The following SCARB1 variants were observed in gnomAD, a reference collection of about 807,000 sequenced individuals.
The protein encoded by SCARB1 is CD36 and LIMPII analogous 1.
A neutral mutation model predicts 57.2 loss-of-function variants in SCARB1; 30 were observed. The ratio of observed to expected loss-of-function variants is 0.52; its 90% CI spans 0.39 to 0.71. The LOEUF is 0.71. SCARB1 is among the 30% of genes least tolerant of loss of function. SCARB1 has a pLI of 0.00. For missense variants in SCARB1, 543 were observed against 671.2 expected, an observed-to-expected ratio of 0.81 and a Z score of 2.11; for synonymous variants, 249 against 268.3, an observed-to-expected ratio of 0.93 and a Z score of 0.70.
At chr12:124,839,499 C>T (rs891493498) in intron 1 of SCARB1, among the ~76,000 whole-genome samples, 7 of 152,196 alleles carry the variant, frequency 4.6e-5, no homozygotes, top group Non-Finnish European at 8.8e-5. Flanking sequence ...TCGTGAACAG[C>T]GCTGCAATGA....
chr12:124,860,871 G>A (rs1379462868), intron 1 of SCARB1, among the ~76,000 whole-genome samples: 1 of 152,118 alleles, frequency 6.6e-6, no homozygotes, highest in East Asian at 1.9e-4. Flanking sequence ...TTTTTCAGCT[G>A]GTATCTTTGA....
Position 124,777,369 on chromosome 12 carries a change from A to G in SCARB1, c.*1218T>C, listed in dbSNP as rs1872590187. ...ATGCAAAAGTGGCAAAAGCGTCTGCACTGGGGGCTGTGGGATGGGACTCAG... is the reference window on the plus strand; with the variant it reads ...ATGCAAAAGTGGCAAAAGCGTCTGCGCTGGGGGCTGTGGGATGGGACTCAG... On this transcript the variant is annotated 3_prime_UTR_variant, in exon 13 of 13. Transcript: ENST00000261693. 1 of 152,242 alleles carries G rather than the reference A, an allele frequency of 6.6e-6. No homozygotes were observed. Among genetic ancestry groups the G allele is most frequent in the Non-Finnish European group, 1.5e-5 (1 of 68,044 alleles). 9.4% of individuals were successfully genotyped at this position (152,242 alleles called of 1,614,324 possible). A position where few individuals can be genotyped will look rare whatever the true frequency, so the allele number is the denominator to read the frequency against.
rs552700907 is a variant in SCARB1, at chr12:124,840,172, G to A, written c.127-22465C>T. On this transcript the variant is annotated intron_variant, in intron 1 of 12. Coordinates refer to ENST00000261693, the MANE Select transcript of SCARB1 (RefSeq NM_005505.5). The stretch of plus-strand genomic sequence containing the variant: ...TCGCTGAGCACACTTCCATGTCCCC[G>A]TTGGCTATCTGCATTTTTTTTTTTT... Among the ~76,000 whole-genome samples the A allele has an allele frequency of 4.0e-5, 6 of 151,426 alleles. No individual in the cohort carries two copies. The South Asian group carries it at 1.2e-3, about 32-fold the overall frequency.
Position 124,810,940 on chromosome 12 carries a change from G to A in SCARB1, c.727-651C>T, listed in dbSNP as rs1192118932. On this transcript the variant is annotated intron_variant, in intron 5 of 12. Coordinates refer to ENST00000261693, the MANE Select transcript of SCARB1 (RefSeq NM_005505.5). This position sits in a 1 kb window ranked among gnomAD's most constrained non-coding sequence, Gnocchi z 4.0. The stretch of plus-strand genomic sequence containing the variant: ...CCACTCTGGGCACCGGTTGGGGTAC[G>A]ATTTGTCCCTAGCCCTCAGGGTCTT... Among the ~76,000 whole-genome samples, 2 of 152,340 alleles carry A rather than the reference G, an allele frequency of 1.3e-5. No homozygotes were observed. Among genetic ancestry groups the A allele is most frequent in the South Asian group, 2.1e-4 (1 of 4,832 alleles).
intron 1 of SCARB1, among the ~76,000 whole-genome samples, chr12:124,837,512 A>G (rs1951708198): frequency 9.5e-6 from 1 of 105,508 alleles, no homozygotes; most frequent in Non-Finnish European, 1.8e-5. Flanking sequence ...AGGGAGAAAA[A>G]AGAAAAGAAA....
Position 124,795,183 on chromosome 12 carries a change from G to A in SCARB1, c.1202+12C>T. 1 of 1,609,832 alleles carries A rather than the reference G, an allele frequency of 6.2e-7. No individual in the cohort carries two copies. On this transcript the variant is annotated intron_variant, in intron 9 of 12. Coordinates refer to ENST00000261693, the MANE Select transcript of SCARB1 (RefSeq NM_005505.5). ...ATGAGCAATGCAGCCCCAGCTCCCA[G>A]TCCCCACTCACCCAATGCCTGCGAC...
intron 10 of SCARB1, 111 bp downstream of exon 10, chr12:124,787,295 C>T: frequency 2.1e-6 from 2 of 962,364 alleles, no homozygotes; most frequent in South Asian, 1.4e-5. Context: ...AGTCCGGTTA[C>T]CCTGGCTCAG....
At chr12:124,791,445 A>G (rs1415632226) in intron 9 of SCARB1, among the ~76,000 whole-genome samples, 2 of 152,178 alleles carry the variant, frequency 1.3e-5, no homozygotes, top group African/African-American at 4.8e-5. Flanking sequence ...CTAGGACTCT[A>G]GGGAGGATTC....
At position 124,814,225 on chromosome 12, in the gene SCARB1, C is replaced by T. The variant is rs775206098; in HGVS notation, c.607G>A (p.Asp203Asn). ...KYFPGMFPFK[D>N]KFGLFAELNN... ...ACCTCAGCAAATAATCCGAACTTGTCCTTGAAGGGGAACATGCCTGGAAAG... is the reference window on the plus strand; with the variant it reads ...ACCTCAGCAAATAATCCGAACTTGTTCTTGAAGGGGAACATGCCTGGAAAG... The change falls in exon 4 of 13, where the codon GAC becomes AAC. Residue 203 changes from aspartate to asparagine, a missense_variant. Transcript: ENST00000261693. This position sits in a 1 kb window ranked among gnomAD's most constrained non-coding sequence, Gnocchi z 4.7. 6.2e-7 allele frequency: 1 copy of T among 1,614,208 alleles called. No homozygotes were observed. The highest frequency in any genetic ancestry group is 1.7e-5 in the Admixed American group (1 of 60,028).
In SCARB1 at chr12:124,789,748, C is replaced by T. The variant is rs1457819818; in HGVS notation, c.1203-2291G>A. On this transcript the variant is annotated intron_variant, in intron 9 of 12. Coordinates refer to ENST00000261693, the MANE Select transcript of SCARB1 (RefSeq NM_005505.5). This position sits in a 1 kb window ranked among gnomAD's most constrained non-coding sequence, Gnocchi z 4.4. ...AAAGAGGGGCTGGGGCGTGGTGGCTCACGCCTGTAATCCCAGCACTTTGGG... is the reference window on the plus strand; with the variant it reads ...AAAGAGGGGCTGGGGCGTGGTGGCTTACGCCTGTAATCCCAGCACTTTGGG... 6.6e-6 allele frequency among the ~76,000 whole-genome samples: 1 copy of T among 152,224 alleles called. No homozygotes were observed. Among genetic ancestry groups the T allele is most frequent in the Non-Finnish European group, 1.5e-5 (1 of 68,044 alleles).
At chr12:124,825,889 CG>C (rs1566208145) in intron 1 of SCARB1, among the ~76,000 whole-genome samples, 3 of 152,026 alleles carry the variant, frequency 2.0e-5, no homozygotes. Context: ...ATGGTGCTTA[CG>C]GGGCGGAGGC....
At chr12:124,824,618 C>T (rs1200312897) in intron 1 of SCARB1, among the ~76,000 whole-genome samples, 1 of 152,238 alleles carries the variant, frequency 6.6e-6, no homozygotes, top group African/African-American at 2.4e-5. Flanking sequence ...AAAATTAGGA[C>T]ATCCAAGAAA....
In SCARB1 at chr12:124,795,044, C is replaced by A. The variant is rs1043076688; in HGVS notation, c.1202+151G>T. 11 of 730,772 alleles carry A rather than the reference C, an allele frequency of 1.5e-5. No homozygotes were observed. In the African/African-American group the frequency reaches 1.9e-4, roughly 13 times the overall value. 45.3% of individuals were successfully genotyped at this position (730,772 alleles called of 1,614,324 possible). A position where few individuals can be genotyped will look rare whatever the true frequency, so the allele number is the denominator to read the frequency against. On this transcript the variant is annotated intron_variant, in intron 9 of 12. Coordinates refer to ENST00000261693, the MANE Select transcript of SCARB1 (RefSeq NM_005505.5). Reference sequence around the variant, plus strand: ...AACCAAGACCCCTCAGGGAGAAGATCAGCAGGGACTGGATTCCACCCCCAA... The same window carrying A: ...AACCAAGACCCCTCAGGGAGAAGATAAGCAGGGACTGGATTCCACCCCCAA...
At chr12:124,804,702 A>C (rs990558012) in intron 7 of SCARB1, among the ~76,000 whole-genome samples, 1 of 152,224 alleles carries the variant, frequency 6.6e-6, no homozygotes, top group Non-Finnish European at 1.5e-5. Context: ...AGGTTGTTCC[A>C]TTCTGCCTGA....
intron 1 of SCARB1, among the ~76,000 whole-genome samples, chr12:124,819,869 C>T (rs1950880753): frequency 6.6e-6 from 1 of 152,344 alleles, no homozygotes; most frequent in Non-Finnish European, 1.5e-5. Context: ...CAAGTCAGCC[C>T]CTGTGAACCT....
intron 9 of SCARB1, among the ~76,000 whole-genome samples, chr12:124,790,891 G>C (rs1263998291): frequency 6.6e-6 from 1 of 152,252 alleles, no homozygotes; most frequent in Non-Finnish European, 1.5e-5. Context: ...CTGGCGTCTG[G>C]GAGCCTGGAT....
At chr12:124,823,874 A>C (rs1180656799) in intron 1 of SCARB1, among the ~76,000 whole-genome samples, 1 of 152,152 alleles carries the variant, frequency 6.6e-6, no homozygotes, top group Non-Finnish European at 1.5e-5. Flanking sequence ...ATTTTAAAGA[A>C]AGGAATGCGG....
intron 1 of SCARB1, among the ~76,000 whole-genome samples, chr12:124,846,039 A>C (rs958736122): frequency 2.6e-5 from 4 of 151,974 alleles, no homozygotes; most frequent in African/African-American, 9.7e-5. Flanking sequence ...GAAAGAAAGA[A>C]ATGTCCGTAA....
At chr12:124,860,440 C>G (rs1640886512) in intron 1 of SCARB1, among the ~76,000 whole-genome samples, 1 of 152,274 alleles carries the variant, frequency 6.6e-6, no homozygotes, top group South Asian at 2.1e-4. Flanking sequence ...TGAGGGGCCT[C>G]TCCCCCATGT....
Sources: gnomAD v4.1 joint callset for allele counts (sites outside exome capture counted in the v4.1 genomes callset) on GRCh38, gnomAD v4.1.1 for gene constraint, Gnocchi (gnomAD v3.1) non-coding constraint, MANE v1.5 for transcripts, NCBI Gene and HGNC (gene_info 2026-07-23, HGNC 2026-07-21) for gene names.